The following NEXMIF variants were observed in gnomAD, a reference collection of about 807,000 sequenced individuals.
NEXMIF encodes the protein neurite extension and migration factor, also known as XLMR protein related to neurite extension.
A neutral mutation model predicts 62.1 loss-of-function variants in NEXMIF; 8 were observed. The observed-to-expected ratio is 0.13, with a 90% CI of 0.08 to 0.23. The LOEUF (loss-of-function observed/expected upper bound fraction) is 0.23. NEXMIF is among the 10% of genes least tolerant of loss of function. NEXMIF has a pLI of 1.00. For missense variants in NEXMIF, 976 were observed against 1,113.3 expected, an observed-to-expected ratio of 0.88 and a Z score of 1.75; for synonymous variants, 404 against 416.6, an observed-to-expected ratio of 0.97 and a Z score of 0.37.
At chrX:74,921,728 A>G (rs1327610514) in intron 1 of NEXMIF, among the ~76,000 whole-genome samples, 2 of 110,731 alleles carry the variant, frequency 1.8e-5, no homozygotes, top group Non-Finnish European at 3.8e-5. Context: ...AAAAGAAAAA[A>G]AAAATGAATA....
chrX:74,884,036 C>G (rs1003679296), intron 1 of NEXMIF, among the ~76,000 whole-genome samples: 1 of 111,824 alleles, frequency 8.9e-6, no homozygotes, highest in East Asian at 2.8e-4. Context: ...ATTTCATATC[C>G]AGCCAAACTA....
At chrX:74,799,820 A>G (rs752134534) in intron 1 of NEXMIF, among the ~76,000 whole-genome samples, 1 of 111,687 alleles carries the variant, frequency 9.0e-6, no homozygotes, top group East Asian at 2.8e-4. Flanking sequence ...TTGATAAAAG[A>G]GTCAATTCAT....
chrX:74,795,033 G>C (rs1445182995), intron 1 of NEXMIF, among the ~76,000 whole-genome samples: 1 of 111,892 alleles, frequency 8.9e-6, no homozygotes, highest in African/African-American at 3.2e-5. Context: ...CGTCCACATG[G>C]AATATGGTGT....
At chrX:74,914,561 G>C (rs886092797) in intron 1 of NEXMIF, among the ~76,000 whole-genome samples, 14 of 111,478 alleles carry the variant, frequency 1.3e-4, no homozygotes, top group African/African-American at 2.0e-4. Flanking sequence ...TGCGCCTGTA[G>C]TCCCAGCTAC....
At chrX:74,886,228 A>G in intron 1 of NEXMIF, among the ~76,000 whole-genome samples, 1 of 111,971 alleles carries the variant, frequency 8.9e-6, no homozygotes, top group Non-Finnish European at 1.9e-5. Flanking sequence ...ATTCCCTTTG[A>G]AAACTGGCAC....
intron 1 of NEXMIF, among the ~76,000 whole-genome samples, chrX:74,885,646 C>T (rs2080689268): frequency 9.0e-6 from 1 of 111,537 alleles, no homozygotes; most frequent in Non-Finnish European, 1.9e-5. Context: ...GAAATTGTGG[C>T]AATAATTAAT....
At chrX:74,916,005 A>T (rs763395135) in intron 1 of NEXMIF, among the ~76,000 whole-genome samples, 139 of 112,238 alleles carry the variant, frequency 1.2e-3, no homozygotes, top group African/African-American at 4.4e-3. Flanking sequence ...CCATAGTAGA[A>T]AACTGCTAAA....
At chrX:74,911,470 T>C (rs993874293) in intron 1 of NEXMIF, among the ~76,000 whole-genome samples, 5 of 111,861 alleles carry the variant, frequency 4.5e-5, no homozygotes, top group African/African-American at 1.6e-4. Context: ...ATTGGGATTT[T>C]GCTCCCATGA....
chrX:74,812,469 T>C (rs781062047), intron 1 of NEXMIF, among the ~76,000 whole-genome samples: 7 of 112,106 alleles, frequency 6.2e-5, no homozygotes, highest in Non-Finnish European at 1.9e-5. Context: ...TAATATTTTA[T>C]ATTCTTTCTG....
rs1199622828 is a variant in NEXMIF at position 74,816,872 on chromosome X, T to C, written c.-47-71175A>G. On this transcript the variant is annotated intron_variant, in intron 1 of 3. Transcript: ENST00000055682. ...CCATCTGCTGTGATCTATTAAACTT[T>C]TCCAACAACTTAAATCATGTTATAA... Among the ~76,000 whole-genome samples the C allele has an allele frequency of 3.6e-5, 4 of 112,288 alleles. No homozygotes were observed. The East Asian group carries it at 1.1e-3, about 31-fold the overall frequency.
At chrX:74,811,226 A>G (rs2080359442) in intron 1 of NEXMIF, among the ~76,000 whole-genome samples, 1 of 111,727 alleles carries the variant, frequency 9.0e-6, no homozygotes, top group South Asian at 3.8e-4. Context: ...TTGTATATAC[A>G]ATGAAGTTTA....
At chrX:74,821,861 C>T (rs1009533227) in intron 1 of NEXMIF, among the ~76,000 whole-genome samples, 2 of 111,365 alleles carry the variant, frequency 1.8e-5, no homozygotes, top group African/African-American at 6.5e-5. Context: ...GCTATCCTCC[C>T]ACCTCAGGCT....
chrX:74,875,058 C>T (rs1227297536), intron 1 of NEXMIF, among the ~76,000 whole-genome samples: 1 of 111,557 alleles, frequency 9.0e-6, no homozygotes, highest in Non-Finnish European at 1.9e-5. Flanking sequence ...GAGAGGGCAT[C>T]CCTGTCTTGT....
intron 1 of NEXMIF, among the ~76,000 whole-genome samples, chrX:74,910,915 C>T (rs1039330155): frequency 3.6e-5 from 4 of 111,746 alleles, no homozygotes; most frequent in Non-Finnish European, 3.8e-5. Context: ...CTGAGGCCTC[C>T]CCAGCCATGT....
At chrX:74,837,148 T>C (rs1203232263) in intron 1 of NEXMIF, among the ~76,000 whole-genome samples, 4 of 111,725 alleles carry the variant, frequency 3.6e-5, no homozygotes, top group Non-Finnish European at 5.6e-5. Flanking sequence ...AGACACTCTG[T>C]GCTGCATGGC....
intron 1 of NEXMIF, among the ~76,000 whole-genome samples, chrX:74,845,448 CA>C (rs749378609): frequency 5.4e-5 from 6 of 110,901 alleles, no homozygotes; most frequent in African/African-American, 9.8e-5. Flanking sequence ...AAACCCCAAC[CA>C]AAAGATTCAA....
At chrX:74,917,820 T>C (rs1161098105) in intron 1 of NEXMIF, among the ~76,000 whole-genome samples, 2 of 111,629 alleles carry the variant, frequency 1.8e-5, no homozygotes, top group African/African-American at 6.5e-5. Context: ...GAATATATTT[T>C]ATATATTAAT....
intron 1 of NEXMIF, among the ~76,000 whole-genome samples, chrX:74,924,177 C>T (rs2080835636): frequency 9.0e-6 from 1 of 111,613 alleles, no homozygotes; most frequent in South Asian, 3.8e-4. Flanking sequence ...TCCCGCCCTA[C>T]AGGGTGTACA....
At chrX:74,789,162 C>G (rs2080270163) in intron 1 of NEXMIF, among the ~76,000 whole-genome samples, 1 of 88,596 alleles carries the variant, frequency 1.1e-5, no homozygotes. Context: ...GTGTGATATT[C>G]CCCTTCCTGT....
Sources: gnomAD v4.1 joint callset for allele counts (sites outside exome capture counted in the v4.1 genomes callset) on GRCh38, gnomAD v4.1.1 for gene constraint, MANE v1.5 for transcripts, NCBI Gene and HGNC (gene_info 2026-07-23, HGNC 2026-07-21) for gene names.